Variants in FAT3 observed in about 807,000 individuals in gnomAD.
The protein encoded by FAT3 is protocadherin Fat 3.
In FAT3, 95 loss-of-function variants were observed where a neutral mutation model predicts 310.2. The ratio of observed to expected loss-of-function variants is 0.31; its 90% CI spans 0.26 to 0.36. The LOEUF is 0.36. Ranked by LOEUF, FAT3 falls within the 10% of genes least tolerant of loss-of-function variation. The probability of loss-of-function intolerance (pLI) is 1.00; values close to 1 mark genes in which losing one functional copy is unlikely to be tolerated. For synonymous variants in FAT3, 2,314 were observed against 2,192.9 expected, an observed-to-expected ratio of 1.06 and a Z score of -1.54; for missense variants, 5,408 against 5,715.6, an observed-to-expected ratio of 0.95 and a Z score of 1.74.
At chr11:92,482,800 A>G (rs941826492) in intron 2 of FAT3, among the ~76,000 whole-genome samples, 1 of 152,162 alleles carries the variant, frequency 6.6e-6, no homozygotes, top group Non-Finnish European at 1.5e-5. Context: ...CGTTCCTGAC[A>G]CTGCATTCCT....
intron 1 of FAT3, chr11:92,336,321 G>A: frequency 2.3e-6 from 1 of 441,654 alleles, no homozygotes; most frequent in South Asian, 1.9e-5. Context: ...CTCAGGATCT[G>A]GGTCCTCCTG....
chr11:92,384,908 T>C (rs1386007081), intron 2 of FAT3, among the ~76,000 whole-genome samples: 1 of 152,152 alleles, frequency 6.6e-6, no homozygotes, highest in African/African-American at 2.4e-5. Flanking sequence ...GGAGCTGCTG[T>C]TTTTCTAATA....
intron 18 of FAT3, among the ~76,000 whole-genome samples, chr11:92,843,336 G>A (rs936167602): frequency 8.5e-5 from 13 of 152,202 alleles, no homozygotes; most frequent in African/African-American, 3.1e-4. Flanking sequence ...TGCGATGGGT[G>A]TTCAGTAAAG....
chr11:92,353,453 G>C lies in FAT3; in HGVS notation c.1341G>C (p.Val447=). 1 of 1,613,506 alleles carries C rather than the reference G, an allele frequency of 6.2e-7. No homozygotes were observed. Among genetic ancestry groups the C allele is most frequent in the South Asian group, 1.1e-5 (1 of 91,000 alleles). ...AGAAGGAGGTTTATAAACTGGAGGT[G>C]ACAAACAAGGAAGGAGATTTAAAAG... ...TVKKEVYKLE[V]TNKEGDLKAQ... is the part of the protein sequence containing the mutation. The change falls in exon 2 of 28, where the codon GTG becomes GTC. Residue 447 remains valine, a synonymous_variant. Coordinates refer to ENST00000525166, the MANE Select transcript of FAT3 (RefSeq NM_001367949.2).
rs1339463641 is a variant in FAT3 at position 92,800,294 on chromosome 11, C to T, written c.7281C>T (p.Asp2427=). The T allele has an allele frequency of 8.1e-6, 13 of 1,613,694 alleles. No homozygotes were observed. The highest frequency in any genetic ancestry group is 1.1e-5 in the Non-Finnish European group (13 of 1,179,762). Residue 2427 remains aspartate (D), a synonymous_variant, in exon 10 of 28, where the codon GAC becomes GAT. Coordinates refer to ENST00000525166, the MANE Select transcript of FAT3 (RefSeq NM_001367949.2). ...QASDADSSDF[D]RLEYSILSGN... ...CTGATGCAGACAGCTCTGATTTTGACCGGTTGGAATATAGCATTTTATCTG... is the reference window on the plus strand; with the variant it reads ...CTGATGCAGACAGCTCTGATTTTGATCGGTTGGAATATAGCATTTTATCTG...
intron 13 of FAT3, among the ~76,000 whole-genome samples, chr11:92,819,627 A>T (rs1382031451): frequency 6.6e-6 from 1 of 152,208 alleles, no homozygotes; most frequent in Non-Finnish European, 1.5e-5. Context: ...AAAAAGTTAC[A>T]AATAAAATAG....
chr11:92,823,764 G>A (rs1369606194), intron 13 of FAT3, among the ~76,000 whole-genome samples: 1 of 152,020 alleles, frequency 6.6e-6, no homozygotes, highest in Admixed American at 6.6e-5. Context: ...TCTGCCCATG[G>A]GAATGTGCCA....
intron 2 of FAT3, among the ~76,000 whole-genome samples, chr11:92,503,601 T>C (rs1953011418): frequency 6.6e-6 from 1 of 152,132 alleles, no homozygotes; most frequent in African/African-American, 2.4e-5. Context: ...TTGTGCCACC[T>C]GACTCTAGAA....
At chr11:92,373,809 C>T (rs543193418) in intron 2 of FAT3, among the ~76,000 whole-genome samples, 1 of 133,530 alleles carries the variant, frequency 7.5e-6, no homozygotes, top group African/African-American at 3.0e-5. Context: ...CACACACACA[C>T]AGAGACATAG....
intron 4 of FAT3, among the ~76,000 whole-genome samples, chr11:92,753,122 C>T (rs1945872427): frequency 6.6e-6 from 1 of 152,138 alleles, no homozygotes; most frequent in African/African-American, 2.4e-5. Context: ...CTCTGAGACT[C>T]TTGGTCAGTA....
At chr11:92,471,772 A>C (rs1243630962) in intron 2 of FAT3, among the ~76,000 whole-genome samples, 1 of 152,024 alleles carries the variant, frequency 6.6e-6, no homozygotes, top group African/African-American at 2.4e-5. Context: ...CATCTCTGAA[A>C]ATATAGTGTG....
At chr11:92,240,259 G>A (rs1434551440) in intron 1 of FAT3, among the ~76,000 whole-genome samples, 1 of 152,040 alleles carries the variant, frequency 6.6e-6, no homozygotes, top group Non-Finnish European at 1.5e-5. Context: ...CTCTAGGAAA[G>A]AAGTGAACTT....
intron 1 of FAT3, among the ~76,000 whole-genome samples, chr11:92,260,467 C>T (rs1050329153): frequency 2.6e-5 from 4 of 152,064 alleles, no homozygotes; most frequent in Non-Finnish European, 5.9e-5. Context: ...AATAGCTGGA[C>T]TTACATCCCT....
chr11:92,353,655 A>T lies in FAT3; in HGVS notation c.1543A>T (p.Asn515Tyr), dbSNP rs781507515. Residue 515 changes from asparagine to tyrosine, a missense_variant, in exon 2 of 28, where the codon AAT becomes TAT. Asn to Tyr is a moderately radical substitution (Grantham distance 143). Coordinates refer to ENST00000525166, the MANE Select transcript of FAT3 (RefSeq NM_001367949.2). Reference protein sequence around the residue: ...GYITYSIASLNLLPFVINQFT... With the variant: ...GYITYSIASLYLLPFVINQFT... ...CATCACCTATAGTATCGCTAGCCTG[A>T]ATTTGTTACCATTTGTCATTAATCA... The T allele has an allele frequency of 1.9e-6, 3 of 1,613,806 alleles. No homozygotes were observed. The highest frequency in any genetic ancestry group is 8.5e-7 in the Non-Finnish European group (1 of 1,179,876).
Position 92,810,154 on chromosome 11 carries a change from A to G in FAT3, c.9481+78A>G. 2.2e-6 allele frequency: 3 copies of G among 1,337,310 alleles called. 1 individual carries two copies. In the South Asian group the frequency reaches 4.0e-5, roughly 18 times the overall value. The allele number at this position is 1,337,310 out of a possible 1,614,324, so 82.8% of individuals were successfully genotyped here. A position where few individuals can be genotyped will look rare whatever the true frequency, so the allele number is the denominator to read the frequency against. On this transcript the variant is annotated intron_variant, in intron 13 of 27. Coordinates refer to ENST00000525166, the MANE Select transcript of FAT3 (RefSeq NM_001367949.2). ...GTGCTGCCATTCCTTTAGTTTTATA[A>G]GAACCTTAATCAACCCCCTTGGTTC...
At chr11:92,478,695 C>T (rs1459251687) in intron 2 of FAT3, among the ~76,000 whole-genome samples, 1 of 152,054 alleles carries the variant, frequency 6.6e-6, no homozygotes. Context: ...ACGCTCACTG[C>T]CACCTCTGCC....
At chr11:92,387,490 A>T (rs1310087544) in intron 2 of FAT3, among the ~76,000 whole-genome samples, 1 of 152,106 alleles carries the variant, frequency 6.6e-6, no homozygotes, top group Non-Finnish European at 1.5e-5. Flanking sequence ...GGACTGAAGT[A>T]AGGGTAGGGG....
At chr11:92,859,603 A>T (rs1949071843) in intron 21 of FAT3, among the ~76,000 whole-genome samples, 1 of 152,214 alleles carries the variant, frequency 6.6e-6, no homozygotes, top group Non-Finnish European at 1.5e-5. Context: ...ACAGTTCATT[A>T]GAATGTGTCT....
intron 3 of FAT3, among the ~76,000 whole-genome samples, chr11:92,538,246 A>G (rs1482911432): frequency 6.6e-6 from 1 of 152,154 alleles, no homozygotes; most frequent in Non-Finnish European, 1.5e-5. Context: ...CAAGATCTGC[A>G]TGATAAACAC....
Sources: allele counts gnomAD v4.1 joint callset (sites outside exome capture counted in the v4.1 genomes callset), GRCh38; gene constraint gnomAD v4.1.1; transcripts MANE v1.5; gene names NCBI Gene and HGNC (gene_info 2026-07-23, HGNC 2026-07-21).